The following AKR1A1 variants were observed in gnomAD, a reference collection of about 807,000 sequenced individuals.
AKR1A1 encodes HEL-S-165mP.
AKR1A1 carries 26 observed loss-of-function variants against 39.2 expected under a neutral mutation model. The observed-to-expected ratio is 0.66, with a 90% CI of 0.49 to 0.92. The LOEUF is 0.92. AKR1A1 is among the 40% of genes least tolerant of loss of function. AKR1A1 has a pLI of 0.00. For missense variants in AKR1A1, 378 were observed against 406.5 expected (o/e 0.93, Z 0.60); for synonymous variants, 141 against 155.5 (o/e 0.91, Z 0.69).
Position 45,562,844 on chromosome 1 carries a change from G to A in AKR1A1, c.84+966G>A, listed in dbSNP as rs981617209. Among the ~76,000 whole-genome samples the A allele has an allele frequency of 2.0e-5, 3 of 152,072 alleles. No individual in the cohort carries two copies. In the South Asian group the frequency reaches 6.2e-4, roughly 32 times the overall value. ...TTTTTAAAGAACAAGATAGGGCCAA[G>A]TGTGGTGGCTCATACCTGTAATCCC... On this transcript the variant is annotated intron_variant, in intron 2 of 8. Coordinates refer to ENST00000351829, the MANE Select transcript of AKR1A1 (RefSeq NM_153326.3).
At chr1:45,556,674 C>T (rs111961514) in intron 1 of AKR1A1, among the ~76,000 whole-genome samples, 1,592 of 151,482 alleles carry the variant, frequency 0.011, 25 homozygotes, top group African/African-American at 0.037. Flanking sequence ...GTCAGGAGTT[C>T]GAGACCAGCC....
At chr1:45,557,350 C>T (rs191416669) in intron 1 of AKR1A1, among the ~76,000 whole-genome samples, 6 of 151,908 alleles carry the variant, frequency 3.9e-5, no homozygotes, top group East Asian at 1.9e-4. Flanking sequence ...AAGAGCTGGC[C>T]GAGGATGATT....
intron 1 of AKR1A1, among the ~76,000 whole-genome samples, chr1:45,556,641 G>A (rs144653215): frequency 0.026 from 3,871 of 151,044 alleles, 167 homozygotes; most frequent in African/African-American, 0.09. Context: ...CACTTTGGGA[G>A]GCCGAGGTGG....
chr1:45,560,142 G>A (rs144194568), intron 1 of AKR1A1, among the ~76,000 whole-genome samples: 3 of 152,126 alleles, frequency 2.0e-5, no homozygotes, highest in African/African-American at 4.8e-5. Context: ...ATGCCACCAC[G>A]CCTAGCTAAT....
In AKR1A1 at chr1:45,561,973, G is replaced by A. The variant is rs1014876241; in HGVS notation, c.84+95G>A. 3 of 1,246,346 alleles carry A rather than the reference G, an allele frequency of 2.4e-6. No individual in the cohort carries two copies. The African/African-American group carries it at 4.5e-5, about 19-fold the overall frequency. The allele number at this position is 1,246,346 out of a possible 1,614,324, so 77.2% of individuals were successfully genotyped here. ...CATACTCCCCTTCCAGCGGGGATGA[G>A]CCAGTGGGAAGAGATAAGAGAAGAC... On this transcript the variant is annotated intron_variant, in intron 2 of 8. Transcript: ENST00000351829.
chr1:45,559,151 T>C (rs928412036), intron 1 of AKR1A1, among the ~76,000 whole-genome samples: 6 of 152,220 alleles, frequency 3.9e-5, no homozygotes, highest in Non-Finnish European at 7.3e-5. Context: ...TGATCAAAGC[T>C]CTTATCACAG....
intron 5 of AKR1A1, 25 bp from the exon 6 acceptor site, chr1:45,568,460 G>T: frequency 6.2e-7 from 1 of 1,612,714 alleles, no homozygotes; most frequent in South Asian, 1.1e-5. Context: ...ACCACTTCAT[G>T]GTGATGGGTT....
Position 45,553,892 on chromosome 1 carries a change from G to A in AKR1A1, c.-7+2737G>A, listed in dbSNP as rs188831787. On this transcript the variant is annotated intron_variant, in intron 1 of 8. Coordinates refer to ENST00000351829, the MANE Select transcript of AKR1A1 (RefSeq NM_153326.3). ...CACCTGTAGTCCCAGCTACTCGGGA[G>A]GCTGAGGCAGGAGAATGGCATGAAC... Among the ~76,000 whole-genome samples, 85 of 152,196 alleles carry A rather than the reference G, an allele frequency of 5.6e-4. No individual in the cohort carries two copies. In the East Asian group the frequency reaches 0.013, roughly 24 times the overall value.
At chr1:45,568,401 G>A in intron 5 of AKR1A1, 84 bp from the exon 6 acceptor site, 6 of 1,457,882 alleles carry the variant, frequency 4.1e-6, no homozygotes, top group Non-Finnish European at 5.7e-6. Context: ...CAGCAATAGG[G>A]GGTGGTCCAG....
intron 4 of AKR1A1, chr1:45,567,771 G>A (rs1644362691): frequency 4.6e-6 from 2 of 436,792 alleles, no homozygotes; most frequent in Non-Finnish European, 8.2e-6. Flanking sequence ...AGCTTGCAGT[G>A]AGCTGAGATA....
Position 45,568,154 on chromosome 1 carries a change from T to C in AKR1A1, c.529T>C (p.Ser177Pro), listed in dbSNP as rs1383490939. 1.2e-6 allele frequency: 2 copies of C among 1,613,478 alleles called. No individual in the cohort carries two copies. Among genetic ancestry groups the C allele is most frequent in the African/African-American group, 1.3e-5 (1 of 74,888 alleles). ...GATTGATGACATACTCAGTGTGGCC[T>C]CCGTGCGTCCAGCTGTCTTGCAGGT... ...RQIDDILSVA[S>P]VRPAVLQVEC... Residue 177 changes from serine (S) to proline (P), a missense_variant, in exon 5 of 9, where the codon TCC becomes CCC. Coordinates refer to ENST00000351829, the MANE Select transcript of AKR1A1 (RefSeq NM_153326.3).
intron 1 of AKR1A1, among the ~76,000 whole-genome samples, chr1:45,554,895 C>T (rs1047546005): frequency 3.9e-5 from 6 of 152,060 alleles, no homozygotes; most frequent in African/African-American, 1.2e-4. Context: ...TTTGCCATGT[C>T]CCCCAGGCTG....
intron 2 of AKR1A1, among the ~76,000 whole-genome samples, chr1:45,564,226 G>A (rs966599994): frequency 3.3e-5 from 5 of 152,156 alleles, no homozygotes; most frequent in Non-Finnish European, 7.4e-5. Context: ...TCACAGCCTC[G>A]GAGAAGTCCA....
At chr1:45,567,258 GT>G (rs142023760) in intron 4 of AKR1A1, 2 of 519,826 alleles carry the variant, frequency 3.8e-6, no homozygotes, top group African/African-American at 3.8e-5. Context: ...GTATGCACCT[GT>G]AACCCTCCTG....
At chr1:45,553,523 T>C (rs1260903573) in intron 1 of AKR1A1, among the ~76,000 whole-genome samples, 4 of 152,212 alleles carry the variant, frequency 2.6e-5, no homozygotes, top group African/African-American at 4.8e-5. Flanking sequence ...AAAATTCTTT[T>C]CACATACATC....
chr1:45,556,346 G>A (rs889245735), intron 1 of AKR1A1, among the ~76,000 whole-genome samples: 20 of 152,300 alleles, frequency 1.3e-4, no homozygotes, highest in African/African-American at 4.6e-4. Flanking sequence ...ACATTGGGCC[G>A]AGGTGGGTGG....
intron 5 of AKR1A1, 79 bp from the exon 6 acceptor site, chr1:45,568,406 G>A: frequency 1.3e-6 from 2 of 1,485,050 alleles, no homozygotes; most frequent in Non-Finnish European, 1.9e-6. Flanking sequence ...ATAGGGGGTG[G>A]TCCAGACATG....
intron 1 of AKR1A1, among the ~76,000 whole-genome samples, chr1:45,555,216 G>A (rs554643981): frequency 1.3e-5 from 2 of 152,312 alleles, no homozygotes; most frequent in African/African-American, 4.8e-5. Context: ...GGCCGGGCGT[G>A]GTAGCTCACG....
intron 2 of AKR1A1, among the ~76,000 whole-genome samples, chr1:45,565,513 G>A (rs1418739727): frequency 3.3e-5 from 5 of 151,368 alleles, no homozygotes; most frequent in African/African-American, 7.3e-5. Flanking sequence ...ACTCTGTCTC[G>A]CCCAGGATGA....
Sources: allele counts gnomAD v4.1 joint callset (sites outside exome capture counted in the v4.1 genomes callset), GRCh38; gene constraint gnomAD v4.1.1; transcripts MANE v1.5; gene names NCBI Gene and HGNC (gene_info 2026-07-23, HGNC 2026-07-21).